JAK2: variants seen among roughly 807,000 people sequenced by gnomAD.
JAK2 encodes Janus kinase 2.
Under a neutral mutation model 139.3 loss-of-function variants are expected in JAK2, and 86 were observed. The ratio of observed to expected loss-of-function variants is 0.62; its 90% CI spans 0.52 to 0.74. The LOEUF (loss-of-function observed/expected upper bound fraction) is 0.74, where lower values mean the gene tolerates loss of function less well. Ranked by LOEUF, JAK2 falls within the 30% of genes least tolerant of loss-of-function variation. The pLI, the probability that JAK2 is intolerant of heterozygous loss-of-function variation, is 0.00. For synonymous variants in JAK2, 490 were observed against 437.7 expected (o/e 1.12, Z -1.49); for missense variants, 1,421 against 1,360.3 (o/e 1.04, Z -0.70).
At chr9:5,114,196 AC>A (rs1419660032) in intron 22 of JAK2, 1 of 475,682 alleles carries the variant, frequency 2.1e-6, no homozygotes, top group African/African-American at 2.0e-5. Flanking sequence ...GTGAGCACCT[AC>A]CTGAGCCGGT....
intron 14 of JAK2, among the ~76,000 whole-genome samples, chr9:5,076,527 T>C (rs1326270124): frequency 6.6e-6 from 1 of 152,178 alleles, no homozygotes; most frequent in Non-Finnish European, 1.5e-5. Context: ...ATATATTCTT[T>C]GTTTTTTTTA....
chr9:5,009,767 C>T (rs896613521), intron 2 of JAK2, among the ~76,000 whole-genome samples: 1 of 151,490 alleles, frequency 6.6e-6, no homozygotes, highest in Non-Finnish European at 1.5e-5. Context: ...TTTTTTTCTT[C>T]AGTTAAAATT....
intron 2 of JAK2, among the ~76,000 whole-genome samples, chr9:5,004,355 T>TAAAA (rs1821133072): frequency 6.6e-6 from 1 of 152,226 alleles, no homozygotes; most frequent in Non-Finnish European, 1.5e-5. Flanking sequence ...TCTACTTTTT[T>TAAAA]AGATTCTATG....
At chr9:5,103,731 T>G (rs1821719504) in intron 22 of JAK2, among the ~76,000 whole-genome samples, 1 of 152,040 alleles carries the variant, frequency 6.6e-6, no homozygotes, top group Non-Finnish European at 1.5e-5. Flanking sequence ...CAGAGCACAG[T>G]GCAATCAAAT....
In JAK2 at chr9:5,031,464, G is replaced by A. The variant is rs189901830; in HGVS notation, c.350+1558G>A. On this transcript the variant is annotated intron_variant, in intron 4 of 24. Coordinates refer to ENST00000381652, the MANE Select transcript of JAK2 (RefSeq NM_004972.4). ...TATGAAGAAATCTTTTCATATTAACGTGGAAGGGAGAGATTAGTCAACAAA... is the reference window on the plus strand; with the variant it reads ...TATGAAGAAATCTTTTCATATTAACATGGAAGGGAGAGATTAGTCAACAAA... Among the ~76,000 whole-genome samples the A allele has an allele frequency of 5.9e-5, 9 of 152,266 alleles. No individual in the cohort carries two copies. The East Asian group carries it at 1.2e-3, about 20-fold the overall frequency.
intron 16 of JAK2, among the ~76,000 whole-genome samples, chr9:5,079,106 G>A (rs1466950100): frequency 6.6e-6 from 1 of 152,122 alleles, no homozygotes; most frequent in Non-Finnish European, 1.5e-5. Flanking sequence ...TAAACTTAAT[G>A]ACTTATCTGA....
At chr9:5,079,327 T>A (rs925186035) in intron 16 of JAK2, among the ~76,000 whole-genome samples, 2 of 152,228 alleles carry the variant, frequency 1.3e-5, no homozygotes, top group African/African-American at 4.8e-5. Flanking sequence ...TAGGGTTATA[T>A]TGCTTCTTCC....
chr9:5,111,804 C>T, intron 22 of JAK2: 1 of 422,830 alleles, frequency 2.4e-6, no homozygotes, highest in East Asian at 6.5e-5. Flanking sequence ...GCCCCCGGAG[C>T]CACGTAGGCG....
intron 8 of JAK2, among the ~76,000 whole-genome samples, chr9:5,060,099 T>C (rs1818052144): frequency 6.6e-6 from 1 of 152,110 alleles, no homozygotes; most frequent in Non-Finnish European, 1.5e-5. Flanking sequence ...TAATCAAGTC[T>C]ACTAAGTGTG....
intron 20 of JAK2, 131 bp from the exon 21 acceptor site, chr9:5,090,315 T>A (rs1194322232): frequency 1.7e-6 from 1 of 577,374 alleles, no homozygotes; most frequent in Non-Finnish European, 2.7e-6. Context: ...CTATATCACC[T>A]TTAATGTATA....
intron 2 of JAK2, among the ~76,000 whole-genome samples, chr9:5,016,521 T>A (rs1822070426): frequency 6.6e-6 from 1 of 152,140 alleles, no homozygotes; most frequent in East Asian, 1.9e-4. Context: ...AATTGAAAAA[T>A]GAATTTTTTC....
chr9:5,060,105 G>A (rs1158700258), intron 8 of JAK2, among the ~76,000 whole-genome samples: 1 of 152,152 alleles, frequency 6.6e-6, no homozygotes, highest in East Asian at 1.9e-4. Flanking sequence ...AGTCTACTAA[G>A]TGTGCAACAG....
chr9:5,115,247 A>G (rs1028788392), intron 22 of JAK2, among the ~76,000 whole-genome samples: 12 of 152,214 alleles, frequency 7.9e-5, no homozygotes, highest in African/African-American at 2.7e-4. Context: ...AAAAGTGGGT[A>G]AAGGATATGA....
chr9:5,028,077 A>G (rs1457707536), intron 3 of JAK2, among the ~76,000 whole-genome samples: 1 of 152,122 alleles, frequency 6.6e-6, no homozygotes, highest in African/African-American at 2.4e-5. Context: ...TTTTTTATTT[A>G]CTTTGCTTAG....
intron 22 of JAK2, among the ~76,000 whole-genome samples, chr9:5,093,650 C>T (rs538616524): frequency 3.3e-5 from 5 of 152,264 alleles, no homozygotes; most frequent in East Asian, 3.9e-4. Flanking sequence ...AACCTCCGAA[C>T]AACCTAAACT....
intron 2 of JAK2, among the ~76,000 whole-genome samples, chr9:4,987,611 C>G (rs1820020695): frequency 6.6e-6 from 1 of 151,654 alleles, no homozygotes; most frequent in Non-Finnish European, 1.5e-5. Context: ...TGGTGCACAC[C>G]TGTAATCCCA....
intron 23 of JAK2, among the ~76,000 whole-genome samples, chr9:5,125,562 T>A (rs552541682): frequency 1.3e-5 from 2 of 151,644 alleles, no homozygotes; most frequent in East Asian, 1.9e-4. Context: ...TATTTTAAAA[T>A]TTTTTTAATT....
chr9:5,039,333 A>C (rs1816316059), intron 4 of JAK2, among the ~76,000 whole-genome samples: 1 of 152,162 alleles, frequency 6.6e-6, no homozygotes, highest in Admixed American at 6.5e-5. Flanking sequence ...TTTTCTTGTC[A>C]TTACTCCCTA....
intron 4 of JAK2, among the ~76,000 whole-genome samples, chr9:5,038,789 A>ATAAAAAGATGAAATACTATGAC (rs1378782119): frequency 1.3e-5 from 2 of 152,120 alleles, no homozygotes; most frequent in Non-Finnish European, 2.9e-5. Context: ...CAGTTTGTTT[A>ATAAAAAGATGAAATACTATGAC]TAAAAAGATG....
Sources: allele counts gnomAD v4.1 joint callset (sites outside exome capture counted in the v4.1 genomes callset), GRCh38; gene constraint gnomAD v4.1.1; transcripts MANE v1.5; gene names NCBI Gene and HGNC (gene_info 2026-07-23, HGNC 2026-07-21).